Variants in SAPCD2 observed in about 807,000 individuals in gnomAD.
SAPCD2 encodes the protein suppressor APC domain-containing protein 2.
A neutral mutation model predicts 37.8 loss-of-function variants in SAPCD2; 34 were observed. That is an observed-to-expected ratio of 0.90 (90% CI 0.68 to 1.20). SAPCD2 has a LOEUF of 1.20. Ranked by LOEUF, SAPCD2 falls within the 50% of genes most tolerant of loss-of-function variation. The pLI is 0.00. For synonymous variants in SAPCD2, 275 were observed against 270.3 expected (o/e 1.02, Z -0.17); for missense variants, 572 against 584.7 (o/e 0.98, Z 0.22).
At position 137,064,585 on chromosome 9, in the gene SAPCD2, GGGTGC is replaced by G; in HGVS notation, c.*69_*73del. On this transcript the variant is annotated 3_prime_UTR_variant, in exon 6 of 6. Transcript: ENST00000409687. The stretch of plus-strand genomic sequence containing the variant: ...CCGGGGGTCTCCAGCCAGAGAGGGT[GGGTGC>G]GATGGGGCGCCCACCCTCGAAGGGC... 1 of 1,512,116 alleles carries G rather than the reference GGGTGC, an allele frequency of 6.6e-7. No individual in the cohort carries two copies. Among genetic ancestry groups the G allele is most frequent in the East Asian group, 2.4e-5 (1 of 40,844 alleles). 93.7% of individuals were successfully genotyped at this position (1,512,116 alleles called of 1,614,324 possible).
In SAPCD2 at chr9:137,066,188, C is replaced by G. The variant is rs11145987; in HGVS notation, c.684+74G>C. On this transcript the variant is annotated intron_variant, in intron 2 of 5. Coordinates refer to ENST00000409687, the MANE Select transcript of SAPCD2 (RefSeq NM_178448.4). ...GCCATGGACTCCCCCAGGCTCAAGG[C>G]CCCCCTGCTCCCATCCCGGCCTCCA... 3.7e-5 allele frequency: 44 copies of G among 1,177,108 alleles called. No individual in the cohort carries two copies. In the Admixed American group the frequency reaches 6.8e-4, roughly 18 times the overall value. The allele number at this position is 1,177,108 out of a possible 1,614,324, so 72.9% of individuals were successfully genotyped here. A position where few individuals can be genotyped will look rare whatever the true frequency, so the allele number is the denominator to read the frequency against.
chr9:137,067,047 G>A (rs546988869), intron 1 of SAPCD2, among the ~76,000 whole-genome samples: 1 of 152,208 alleles, frequency 6.6e-6, no homozygotes, highest in South Asian at 2.1e-4. Context: ...GAGTGCAATG[G>A]TATGATCTTG....
In SAPCD2 at chr9:137,064,959, G is replaced by A. The variant is rs753110176; in HGVS notation, c.960C>T (p.Ser320=). ...ACGTCAGGGCAGGGCAGGGGGGCCC[G>A]GAGGAGGACGGGGGCAGGGCCTGCG... ...CASRALPPSS[S]GPPCPALTST... Residue 320 remains serine (S), a synonymous_variant, in exon 5 of 6, where the codon TCC becomes TCT. Coordinates refer to ENST00000409687, the MANE Select transcript of SAPCD2 (RefSeq NM_178448.4). 2.5e-5 allele frequency: 38 copies of A among 1,541,116 alleles called. No individual in the cohort carries two copies. The highest frequency in any genetic ancestry group is 1.6e-4 in the South Asian group (13 of 83,866).
chr9:137,069,916 A>G lies in SAPCD2; in HGVS notation c.545T>C (p.Leu182Pro). ...TGCGTCCGCGCTGGAGCTCGGTTCCAGCGCCGCGCTCTGGGACCGCTCGGG... is the reference window on the plus strand; with the variant it reads ...TGCGTCCGCGCTGGAGCTCGGTTCCGGCGCCGCGCTCTGGGACCGCTCGGG... ...AEPERSQSAA[L>P]EPSSSADAGA... The change falls in exon 1 of 6, where the codon CTG becomes CCG. Residue 182 changes from leucine to proline, a missense_variant. Leu to Pro is a moderately conservative substitution (Grantham distance 98, BLOSUM62 -3). Transcript: ENST00000409687. 3 of 1,283,080 alleles carry G rather than the reference A, an allele frequency of 2.3e-6. No homozygotes were observed. The highest frequency in any genetic ancestry group is 3.0e-6 in the Non-Finnish European group (3 of 1,013,306). The allele number at this position is 1,283,080 out of a possible 1,614,324, so 79.5% of individuals were successfully genotyped here.
At position 137,070,132 on chromosome 9, in the gene SAPCD2, G is replaced by A; in HGVS notation, c.329C>T (p.Ala110Val). The change falls in exon 1 of 6, where the codon GCC becomes GTC. Residue 110 changes from alanine to valine, a missense_variant. Coordinates refer to ENST00000409687, the MANE Select transcript of SAPCD2 (RefSeq NM_178448.4). ...CGGCGGCGGCTGATCCCCGGGCCGG[G>A]CCGGGGCGCGCGTGGGGTCCCGGGG... ...GGPRDPTRAP[A>V]RPGDQPPPPP... 1 of 1,197,484 alleles carries A rather than the reference G, an allele frequency of 8.4e-7. No individual in the cohort carries two copies. The highest frequency in any genetic ancestry group is 1.0e-6 in the Non-Finnish European group (1 of 967,202). The allele number at this position is 1,197,484 out of a possible 1,614,324, so 74.2% of individuals were successfully genotyped here. A position where few individuals can be genotyped will look rare whatever the true frequency, so the allele number is the denominator to read the frequency against.
chr9:137,065,082 C>T lies in SAPCD2; in HGVS notation c.935G>A (p.Ser312Asn). The part of the protein sequence containing the change: ...LGELLAAACA[S>N]RALPPSSSGP... ...GGGGGTTTGGGGTACACTCACCCGG[C>T]TGGCACAGGCTGCAGCCAGCAGCTC... Residue 312 changes from serine to asparagine, a missense_variant, in exon 4 of 6, where the codon AGC (serine) becomes AAC (asparagine). By Grantham distance (46) the Ser-to-Asn change is conservative. Transcript: ENST00000409687. 1 of 1,525,968 alleles carries T rather than the reference C, an allele frequency of 6.6e-7. No individual in the cohort carries two copies. The highest frequency in any genetic ancestry group is 8.8e-7 in the Non-Finnish European group (1 of 1,135,710). 94.5% of individuals were successfully genotyped at this position (1,525,968 alleles called of 1,614,324 possible). A position where few individuals can be genotyped will look rare whatever the true frequency, so the allele number is the denominator to read the frequency against.
At position 137,063,232 on chromosome 9, in the gene SAPCD2, G is replaced by A. The variant is rs1475449359; in HGVS notation, c.*1427C>T. 8 of 152,314 alleles carry A rather than the reference G, an allele frequency of 5.3e-5. 1 individual carries two copies. Among genetic ancestry groups the A allele is most frequent in the Admixed American group, 4.6e-4 (7 of 15,284 alleles). 9.4% of individuals were successfully genotyped at this position (152,314 alleles called of 1,614,324 possible). A position where few individuals can be genotyped will look rare whatever the true frequency, so the allele number is the denominator to read the frequency against. ...CCCACTCCCATCTTCAGGGTAGGAG[G>A]GCAGCTGCATGCTGGGCTGACTTGG... On this transcript the variant is annotated 3_prime_UTR_variant, in exon 6 of 6. Transcript: ENST00000409687.
chr9:137,070,398 C>G lies in SAPCD2; in HGVS notation c.63G>C (p.Thr21=), dbSNP rs755592326. 5 of 1,354,536 alleles carry G rather than the reference C, an allele frequency of 3.7e-6. No homozygotes were observed. The highest frequency in any genetic ancestry group is 2.7e-4 in the Middle Eastern group (1 of 3,654). 83.9% of individuals were successfully genotyped at this position (1,354,536 alleles called of 1,614,324 possible). A position where few individuals can be genotyped will look rare whatever the true frequency, so the allele number is the denominator to read the frequency against. Reference sequence around the variant, plus strand: ...GCAGGAAGGCGCGCGGCAGCCCCTCCGTGCTGGGCGCGGGTGCGGGGGGAG... The same window carrying G: ...GCAGGAAGGCGCGCGGCAGCCCCTCGGTGCTGGGCGCGGGTGCGGGGGGAG... ...RVPPPAPAPS[T]EGLPRAFLQS... The change falls in exon 1 of 6, where the codon ACG becomes ACC. Residue 21 remains threonine (T), a synonymous_variant. Coordinates refer to ENST00000409687, the MANE Select transcript of SAPCD2 (RefSeq NM_178448.4).
chr9:137,065,190 G>A lies in SAPCD2; in HGVS notation c.832-5C>T. 2 of 1,451,314 alleles carry A rather than the reference G, an allele frequency of 1.4e-6. No homozygotes were observed. Among genetic ancestry groups the A allele is most frequent in the South Asian group, 1.4e-5 (1 of 70,030 alleles). The allele number at this position is 1,451,314 out of a possible 1,614,324, so 89.9% of individuals were successfully genotyped here. A position where few individuals can be genotyped will look rare whatever the true frequency, so the allele number is the denominator to read the frequency against. On this transcript the variant is annotated splice_polypyrimidine_tract_variant and splice_region_variant and intron_variant, in intron 3 of 5. Transcript: ENST00000409687. Reference sequence around the variant, plus strand: ...GCTCCCTGCAGCCCCAAAGTCCTGGGAAGAAAGCAGAGGACAAGCGGTCAG... The same window carrying A: ...GCTCCCTGCAGCCCCAAAGTCCTGGAAAGAAAGCAGAGGACAAGCGGTCAG...
chr9:137,065,430 C>T (rs534384638), intron 3 of SAPCD2, 92 bp downstream of exon 3: 18 of 1,419,964 alleles, frequency 1.3e-5, no homozygotes, highest in African/African-American at 2.9e-5. Context: ...CCACTGTGTC[C>T]GGGAATAGGG....
At position 137,066,381 on chromosome 9, in the gene SAPCD2, T is replaced by A. The variant is rs375764463; in HGVS notation, c.572-7A>T. On this transcript the variant is annotated splice_region_variant and splice_polypyrimidine_tract_variant and intron_variant, in intron 1 of 5. Transcript: ENST00000409687. ...GCCCTGCACGCCACTGCACCTGTTATGGAGAGGCATGGGCCTGGCTCACCT... is the reference window on the plus strand; with the variant it reads ...GCCCTGCACGCCACTGCACCTGTTAAGGAGAGGCATGGGCCTGGCTCACCT... The A allele has an allele frequency of 5.1e-6, 8 of 1,579,330 alleles. No individual in the cohort carries two copies. In the Admixed American group the frequency reaches 1.4e-4, roughly 28 times the overall value.
In SAPCD2 at chr9:137,070,419, G is replaced by A. The variant is rs1301253084; in HGVS notation, c.42C>T (p.Pro14=). 4 of 1,298,642 alleles carry A rather than the reference G, an allele frequency of 3.1e-6. No homozygotes were observed. Among genetic ancestry groups the A allele is most frequent in the Non-Finnish European group, 3.9e-6 (4 of 1,023,384 alleles). The allele number at this position is 1,298,642 out of a possible 1,614,324, so 80.4% of individuals were successfully genotyped here. The change falls in exon 1 of 6, where the codon CCC becomes CCT. Residue 14 remains proline, a synonymous_variant. Coordinates refer to ENST00000409687, the MANE Select transcript of SAPCD2 (RefSeq NM_178448.4). ...AAMAERGRVP[P]PAPAPSTEGL... is the part of the protein sequence containing the mutation. ...CCTCCGTGCTGGGCGCGGGTGCGGG[G>A]GGAGGCACGCGGCCCCGCTCGGCCA...
chr9:137,066,680 T>C (rs546952028), intron 1 of SAPCD2, among the ~76,000 whole-genome samples: 2 of 152,266 alleles, frequency 1.3e-5, no homozygotes, highest in South Asian at 4.1e-4. Flanking sequence ...GCACACCCAG[T>C]GCCCAGAACA....
At chr9:137,065,498 TG>T in intron 3 of SAPCD2, 23 bp downstream of exon 3, 1 of 1,572,252 alleles carries the variant, frequency 6.4e-7, no homozygotes, top group Non-Finnish European at 8.7e-7. Context: ...TGTGGGGATC[TG>T]GGGACAGGGC....
rs1393392983 is a variant in SAPCD2 at position 137,063,998 on chromosome 9, C to T, written c.*661G>A. ...AGGGGGAAGGCCATCACCCCAGGGT[C>T]TGTGGGAGGCACATGCAGGCCAAGC... On this transcript the variant is annotated 3_prime_UTR_variant, in exon 6 of 6. Coordinates refer to ENST00000409687, the MANE Select transcript of SAPCD2 (RefSeq NM_178448.4). 6.3e-6 allele frequency: 1 copy of T among 159,070 alleles called. No homozygotes were observed. Among genetic ancestry groups the T allele is most frequent in the African/African-American group, 2.4e-5 (1 of 41,464 alleles). The allele number at this position is 159,070 out of a possible 1,614,324, so 9.9% of individuals were successfully genotyped here. A position where few individuals can be genotyped will look rare whatever the true frequency, so the allele number is the denominator to read the frequency against.
chr9:137,070,240 TG>T lies in SAPCD2; in HGVS notation c.220del (p.Gln74ArgfsTer9). ...LPRGVLEGLR[Q>X]VAPASGYLTF... is the part of the protein sequence containing the mutation. Reference sequence around the variant, plus strand: ...CAGGTAGCCGCTGGCCGGGGCCACCTGGCGCAAGCCCTCCAGCACCCCGCGG... The same window carrying T: ...CAGGTAGCCGCTGGCCGGGGCCACCTGCGCAAGCCCTCCAGCACCCCGCGG... On this transcript the variant is annotated frameshift_variant, in exon 1 of 6. Coordinates refer to ENST00000409687, the MANE Select transcript of SAPCD2 (RefSeq NM_178448.4). LOFTEE classifies it high-confidence loss of function. 1 of 1,416,686 alleles carries T rather than the reference TG, an allele frequency of 7.1e-7. No homozygotes were observed. Among genetic ancestry groups the T allele is most frequent in the Non-Finnish European group, 9.2e-7 (1 of 1,081,542 alleles). 87.8% of individuals were successfully genotyped at this position (1,416,686 alleles called of 1,614,324 possible). A position where few individuals can be genotyped will look rare whatever the true frequency, so the allele number is the denominator to read the frequency against.
At chr9:137,067,774 C>CAAAAAAAAAAAA (rs36035728) in intron 1 of SAPCD2, among the ~76,000 whole-genome samples, 5 of 44,680 alleles carry the variant, frequency 1.1e-4, no homozygotes, top group Non-Finnish European at 1.5e-4. Context: ...GACTCCATCT[C>CAAAAAAAAAAAA]AAAAAAAAAA....
rs1706888387 is a variant in SAPCD2, at chr9:137,070,137, G to T, written c.324C>A (p.Ala108=). The T allele has an allele frequency of 2.8e-5, 34 of 1,199,946 alleles. No individual in the cohort carries two copies. Among genetic ancestry groups the T allele is most frequent in the Non-Finnish European group, 3.4e-5 (33 of 968,826 alleles). The allele number at this position is 1,199,946 out of a possible 1,614,324, so 74.3% of individuals were successfully genotyped here. A position where few individuals can be genotyped will look rare whatever the true frequency, so the allele number is the denominator to read the frequency against. The change falls in exon 1 of 6, where the codon GCC becomes GCA. Residue 108 remains alanine, a synonymous_variant. Coordinates refer to ENST00000409687, the MANE Select transcript of SAPCD2 (RefSeq NM_178448.4). Reference sequence around the variant, plus strand: ...GCGGCTGATCCCCGGGCCGGGCCGGGGCGCGCGTGGGGTCCCGGGGGCCGC... The same window carrying T: ...GCGGCTGATCCCCGGGCCGGGCCGGTGCGCGCGTGGGGTCCCGGGGGCCGC... ...ADGGPRDPTR[A]PARPGDQPPP...
chr9:137,069,878 T>C lies in SAPCD2; in HGVS notation c.571+12A>G. ...GAGCTACGAGGGTGCCCGGGGGCCG[T>C]CCGGAACTCACCTGCGTCCGCGCTG... On this transcript the variant is annotated intron_variant, in intron 1 of 5. Coordinates refer to ENST00000409687, the MANE Select transcript of SAPCD2 (RefSeq NM_178448.4). 1.6e-6 allele frequency: 2 copies of C among 1,262,836 alleles called. No individual in the cohort carries two copies. The highest frequency in any genetic ancestry group is 2.0e-6 in the Non-Finnish European group (2 of 1,002,358). 78.2% of individuals were successfully genotyped at this position (1,262,836 alleles called of 1,614,324 possible).
Sources: allele counts gnomAD v4.1 joint callset (sites outside exome capture counted in the v4.1 genomes callset), GRCh38; gene constraint gnomAD v4.1.1; transcripts MANE v1.5; gene names NCBI Gene and HGNC (gene_info 2026-07-23, HGNC 2026-07-21).